The following RSBN1L variants were observed in gnomAD, a reference collection of about 807,000 sequenced individuals.
RSBN1L encodes the protein round spermatid basic protein 1 like, also known as lysine-specific demethylase RSBN1L.
A neutral mutation model predicts 67.7 loss-of-function variants in RSBN1L; 30 were observed. The ratio of observed to expected loss-of-function variants is 0.44; its 90% CI spans 0.33 to 0.60. The LOEUF is 0.60. RSBN1L is among the 20% of genes least tolerant of loss of function. The probability of loss-of-function intolerance (pLI) is 0.02; values close to 1 mark genes in which losing one functional copy is unlikely to be tolerated. For synonymous variants in RSBN1L, 433 were observed against 387.0 expected, an observed-to-expected ratio of 1.12 and a Z score of -1.39; for missense variants, 992 against 1,031.7, an observed-to-expected ratio of 0.96 and a Z score of 0.53.
intron 1 of RSBN1L, among the ~76,000 whole-genome samples, chr7:77,709,152 TTGTGTGTG>T (rs67322019): frequency 0.038 from 5,447 of 142,230 alleles, 116 homozygotes; most frequent in South Asian, 0.056. Flanking sequence ...GGGATTCTGT[TTGTGTGTG>T]TGTGTGTGTG....
chr7:77,763,254 C>T (rs1358147775), intron 3 of RSBN1L, among the ~76,000 whole-genome samples: 1 of 149,294 alleles, frequency 6.7e-6, no homozygotes, highest in Non-Finnish European at 1.5e-5. Flanking sequence ...GCTGGGATTA[C>T]AGTTTCGTGT....
chr7:77,712,278 A>G (rs117755940), intron 1 of RSBN1L, among the ~76,000 whole-genome samples: 2,808 of 151,932 alleles, frequency 0.018, 38 homozygotes, highest in Middle Eastern at 0.068. Context: ...TCTTATATAT[A>G]CATACATGAT....
At chr7:77,774,597 C>T (rs888846833) in intron 6 of RSBN1L, among the ~76,000 whole-genome samples, 2 of 152,132 alleles carry the variant, frequency 1.3e-5, no homozygotes. Flanking sequence ...ATTAGCTGGC[C>T]GTGGTGGCAC....
At chr7:77,768,617 A>T (rs1416765056) in intron 4 of RSBN1L, 44 bp from the exon 5 acceptor site, 1 of 1,557,560 alleles carries the variant, frequency 6.4e-7, no homozygotes, top group Non-Finnish European at 8.8e-7. Flanking sequence ...ACTTGAAGAT[A>T]CATTTTGAAA....
chr7:77,714,685 G>A (rs557737256), intron 1 of RSBN1L, among the ~76,000 whole-genome samples: 6 of 152,122 alleles, frequency 3.9e-5, no homozygotes, highest in Admixed American at 6.6e-5. Context: ...GTGGGTGGCC[G>A]GGCACGGTGG....
intron 1 of RSBN1L, among the ~76,000 whole-genome samples, chr7:77,702,682 A>G (rs1212689331): frequency 6.6e-6 from 1 of 152,136 alleles, no homozygotes; most frequent in African/African-American, 2.4e-5. Flanking sequence ...ATAATAAAAT[A>G]CCATAGAATG....
chr7:77,701,151 CA>C lies in RSBN1L; in HGVS notation c.586+4115del, dbSNP rs1221326900. Among the ~76,000 whole-genome samples, 95 of 88,724 alleles carry C rather than the reference CA, an allele frequency of 1.1e-3. No individual in the cohort carries two copies. The Middle Eastern group carries it at 0.028, about 26-fold the overall frequency. The allele number at this position is 88,724 out of a possible 152,430, so 58.2% of individuals were successfully genotyped here. A position where few individuals can be genotyped will look rare whatever the true frequency, so the allele number is the denominator to read the frequency against. ...TGGGCGACAGAGCAAGACTCTGGCT[CA>C]AAAAAAAAAAAAAAAAAACAACAAC... On this transcript the variant is annotated intron_variant, in intron 1 of 7. Coordinates refer to ENST00000334955, the MANE Select transcript of RSBN1L (RefSeq NM_198467.3).
chr7:77,708,311 C>T (rs528562090), intron 1 of RSBN1L, among the ~76,000 whole-genome samples: 7 of 151,256 alleles, frequency 4.6e-5, no homozygotes, highest in African/African-American at 7.3e-5. Context: ...TGCTTTTGTA[C>T]GGAATTGGAA....
In RSBN1L at chr7:77,714,977, A is replaced by T. The variant is rs1392188475; in HGVS notation, c.586+17922A>T. ...CCATCTCAAAAAAAAAAAAAAAAAA[A>T]AATCTTGTAGTGGGCTGGATGTGGT... On this transcript the variant is annotated intron_variant, in intron 1 of 7. Coordinates refer to ENST00000334955, the MANE Select transcript of RSBN1L (RefSeq NM_198467.3). Among the ~76,000 whole-genome samples, 4 of 151,634 alleles carry T rather than the reference A, an allele frequency of 2.6e-5. No homozygotes were observed. The East Asian group carries it at 7.8e-4, about 29-fold the overall frequency.
intron 6 of RSBN1L, among the ~76,000 whole-genome samples, chr7:77,777,603 T>C (rs1228096202): frequency 1.3e-5 from 2 of 152,088 alleles, no homozygotes; most frequent in South Asian, 2.1e-4. Flanking sequence ...GTCTTATCCT[T>C]CTTTCTCTGT....
In RSBN1L at chr7:77,780,958, G is replaced by T. The variant is rs1450994011; in HGVS notation, c.*1790G>T. 1 of 152,172 alleles carries T rather than the reference G, an allele frequency of 6.6e-6. No homozygotes were observed. The highest frequency in any genetic ancestry group is 6.5e-5 in the Admixed American group (1 of 15,274). The allele number at this position is 152,172 out of a possible 1,614,324, so 9.4% of individuals were successfully genotyped here. A position where few individuals can be genotyped will look rare whatever the true frequency, so the allele number is the denominator to read the frequency against. ...TTGTTTGTTTTTGGTATTATTCTGG[G>T]CACATACTTTGGTTGATGACTTTCA... On this transcript the variant is annotated 3_prime_UTR_variant, in exon 8 of 8. Transcript: ENST00000334955.
chr7:77,756,269 C>G (rs1350701916), intron 3 of RSBN1L, among the ~76,000 whole-genome samples: 3 of 151,770 alleles, frequency 2.0e-5, no homozygotes, highest in Non-Finnish European at 4.4e-5. Context: ...GTAGCTGGGA[C>G]TGCAGACGCG....
intron 1 of RSBN1L, among the ~76,000 whole-genome samples, chr7:77,709,190 G>GTATGTA (rs67659722): frequency 7.4e-6 from 1 of 134,528 alleles, no homozygotes; most frequent in African/African-American, 3.2e-5. Context: ...GTGTGTGTGT[G>GTATGTA]TGTGTGTATG....
In RSBN1L at chr7:77,778,905, G is replaced by A; in HGVS notation, c.2278G>A (p.Val760Ile). 6.2e-7 allele frequency: 1 copy of A among 1,613,942 alleles called. No homozygotes were observed. Among genetic ancestry groups the A allele is most frequent in the African/African-American group, 1.3e-5 (1 of 75,028 alleles). Residue 760 changes from valine to isoleucine, a missense_variant, in exon 8 of 8, where the codon GTA becomes ATA. This residue lies in a region of RSBN1L where 199 missense variants were observed against 167.7 expected (regional missense o/e 1.19). Coordinates refer to ENST00000334955, the MANE Select transcript of RSBN1L (RefSeq NM_198467.3). ...GATTAAACATGAACCTATTGCATCT[G>A]TAAGAATCAAGGAAGAACCTGTGAA... ...QQIKHEPIAS[V>I]RIKEEPVNVN...
Position 77,773,206 on chromosome 7 carries a change from T to C in RSBN1L, c.1685T>C (p.Met562Thr), listed in dbSNP as rs1179998492. ...YLPRTSEPRE[M>T]LFEDRTRAHA... The stretch of plus-strand genomic sequence containing the variant: ...CCTCGAACAAGTGAGCCCCGTGAGA[T>C]GCTCTTTGAAGACAGGACAAGAGCT... Residue 562 changes from methionine (M) to threonine (T), a missense_variant, in exon 6 of 8, where the codon ATG becomes ACG. By Grantham distance (81) the Met-to-Thr change is moderately conservative. This residue lies in a region of RSBN1L where 67 missense variants were observed against 130.5 expected (regional missense o/e 0.51). Transcript: ENST00000334955. 2.5e-6 allele frequency: 4 copies of C among 1,612,758 alleles called. No individual in the cohort carries two copies. The highest frequency in any genetic ancestry group is 1.7e-4 in the Middle Eastern group (1 of 6,058).
chr7:77,702,878 G>A (rs1384703927), intron 1 of RSBN1L, among the ~76,000 whole-genome samples: 1 of 152,000 alleles, frequency 6.6e-6, no homozygotes, highest in East Asian at 1.9e-4. Flanking sequence ...TCTTTATAAA[G>A]CTACCAATTT....
intron 3 of RSBN1L, among the ~76,000 whole-genome samples, chr7:77,758,917 A>T (rs1223871300): frequency 1.3e-5 from 2 of 152,192 alleles, no homozygotes; most frequent in Non-Finnish European, 2.9e-5. Context: ...TGAGAATGTG[A>T]AAACTGGAGT....
chr7:77,771,586 T>C (rs1364827073), intron 5 of RSBN1L, among the ~76,000 whole-genome samples: 2 of 150,068 alleles, frequency 1.3e-5, no homozygotes, highest in Non-Finnish European at 3.0e-5. Flanking sequence ...CTCGGCTCAC[T>C]GCAACCTCTG....
At chr7:77,753,403 T>G (rs1042161132) in intron 3 of RSBN1L, among the ~76,000 whole-genome samples, 8 of 152,242 alleles carry the variant, frequency 5.3e-5, no homozygotes, top group African/African-American at 1.9e-4. Flanking sequence ...TTTATATGAT[T>G]ATTATCCAGT....
Sources: gnomAD v4.1 joint callset for allele counts (sites outside exome capture counted in the v4.1 genomes callset) on GRCh38, gnomAD v4.1.1 for gene constraint, gnomAD v4.1.1 regional missense constraint, MANE v1.5 for transcripts, NCBI Gene and HGNC (gene_info 2026-07-23, HGNC 2026-07-21) for gene names.